The following MKLN1 variants were observed in gnomAD, a reference collection of about 807,000 sequenced individuals.
MKLN1 encodes muskelin.
Under a neutral mutation model 99.0 loss-of-function variants are expected in MKLN1, and 18 were observed. The ratio of observed to expected loss-of-function variants is 0.18; its 90% CI spans 0.13 to 0.27. MKLN1 has a LOEUF of 0.27. Among genes scored for constraint, MKLN1 ranks in the 10% least tolerant of loss-of-function variants. The probability of loss-of-function intolerance (pLI) is 1.00; values close to 1 mark genes in which losing one functional copy is unlikely to be tolerated. For missense variants in MKLN1, 621 were observed against 875.9 expected, an observed-to-expected ratio of 0.71 and a Z score of 3.67; for synonymous variants, 288 against 293.2, an observed-to-expected ratio of 0.98 and a Z score of 0.18.
intron 3 of MKLN1, among the ~76,000 whole-genome samples, chr7:131,266,000 C>G (rs1797801844): frequency 6.6e-6 from 1 of 151,902 alleles, no homozygotes; most frequent in Non-Finnish European, 1.5e-5. Context: ...ATGGCGAAAC[C>G]CTATCTCTAC....
intron 1 of MKLN1, among the ~76,000 whole-genome samples, chr7:131,345,724 T>A (rs555498082): frequency 1.3e-5 from 2 of 151,944 alleles, no homozygotes; most frequent in South Asian, 2.1e-4. Flanking sequence ...AAAAAAAAAA[T>A]TTAAAAATAA....
At chr7:131,201,211 G>C (rs903657368) in intron 2 of MKLN1, among the ~76,000 whole-genome samples, 10 of 152,262 alleles carry the variant, frequency 6.6e-5, no homozygotes, top group African/African-American at 2.2e-4. Flanking sequence ...GTAGAAACAG[G>C]GTTTCACCAT....
chr7:131,168,125 T>A (rs1796152061), intron 2 of MKLN1, among the ~76,000 whole-genome samples: 1 of 152,236 alleles, frequency 6.6e-6, no homozygotes, highest in African/African-American at 2.4e-5. Flanking sequence ...AATCATTTTT[T>A]AAAATACTCA....
rs1310239102 is a variant in MKLN1, at chr7:131,492,919, T to C, written c.*5191T>C. The C allele has an allele frequency of 2.0e-5, 3 of 152,154 alleles. No individual in the cohort carries two copies. The highest frequency in any genetic ancestry group is 2.9e-5 in the Non-Finnish European group (2 of 68,030). The allele number at this position is 152,154 out of a possible 1,614,324, so 9.4% of individuals were successfully genotyped here. A position where few individuals can be genotyped will look rare whatever the true frequency, so the allele number is the denominator to read the frequency against. On this transcript the variant is annotated 3_prime_UTR_variant, in exon 18 of 18. Transcript: ENST00000352689. The stretch of plus-strand genomic sequence containing the variant: ...GAGAGAAATGCCATCGGGGAAATTA[T>C]CACTGTCTTTTTGGCTAAAGTTTTA...
intron 2 of MKLN1, among the ~76,000 whole-genome samples, chr7:131,143,917 T>A (rs112299008): frequency 6.6e-6 from 1 of 152,228 alleles, no homozygotes; most frequent in Admixed American, 6.5e-5. Flanking sequence ...GCAGGACATG[T>A]GTAGTTCAAC....
chr7:131,397,596 G>A (rs892368769), intron 5 of MKLN1, among the ~76,000 whole-genome samples: 2 of 152,066 alleles, frequency 1.3e-5, no homozygotes, highest in Non-Finnish European at 2.9e-5. Context: ...ATCCCCATTA[G>A]TTTATAGATG....
intron 3 of MKLN1, among the ~76,000 whole-genome samples, chr7:131,227,491 CTTTCTCTT>C (rs1563259299): frequency 9.8e-5 from 12 of 122,392 alleles, no homozygotes; most frequent in African/African-American, 2.5e-4. Flanking sequence ...TTCTCTCTTT[CTTTCTCTT>C]TCTTTCTTTC....
Position 131,465,345 on chromosome 7 carries a change from C to T in MKLN1, c.1789-931C>T, listed in dbSNP as rs563927496. Among the ~76,000 whole-genome samples the T allele has an allele frequency of 3.0e-4, 45 of 152,142 alleles. 1 individual carries two copies. The South Asian group carries it at 8.7e-3, about 29-fold the overall frequency. On this transcript the variant is annotated intron_variant, in intron 14 of 17. Coordinates refer to ENST00000352689, the MANE Select transcript of MKLN1 (RefSeq NM_013255.5). ...CTTCTACCACTTACGAAAGTGATTG[C>T]GTTTCTTCACTGTTTTGTCTTCCAA...
rs1011760460 is a variant in MKLN1, at chr7:131,379,496, A to T, written c.168+4003A>T. Among the ~76,000 whole-genome samples the T allele has an allele frequency of 5.9e-5, 9 of 152,322 alleles. No homozygotes were observed. In the South Asian group the frequency reaches 1.0e-3, roughly 18 times the overall value. Reference sequence around the variant, plus strand: ...TAAAACTTCTATAAATGAAAAATATAATAATAAAAGTCAGTTTTGACAAGA... The same window carrying T: ...TAAAACTTCTATAAATGAAAAATATTATAATAAAAGTCAGTTTTGACAAGA... On this transcript the variant is annotated intron_variant, in intron 2 of 17. Transcript: ENST00000352689.
At chr7:131,256,873 G>A (rs896750317) in intron 3 of MKLN1, among the ~76,000 whole-genome samples, 6 of 152,104 alleles carry the variant, frequency 3.9e-5, no homozygotes, top group South Asian at 2.1e-4. Flanking sequence ...CTCCTTAGGC[G>A]ATGGGATCAT....
intron 1 of MKLN1, among the ~76,000 whole-genome samples, chr7:131,121,955 G>T (rs984801353): frequency 2.6e-5 from 4 of 152,198 alleles, no homozygotes; most frequent in African/African-American, 9.6e-5. Context: ...TCAGAAACCA[G>T]GAGACTACGG....
chr7:131,483,100 T>G (rs771483925), intron 17 of MKLN1, among the ~76,000 whole-genome samples: 2 of 152,236 alleles, frequency 1.3e-5, no homozygotes, highest in Non-Finnish European at 1.5e-5. Context: ...CCATTTTACT[T>G]TATTTATGAA....
intron 1 of MKLN1, among the ~76,000 whole-genome samples, chr7:131,353,940 T>C (rs1441036019): frequency 6.6e-6 from 1 of 150,608 alleles, no homozygotes; most frequent in East Asian, 1.9e-4. Context: ...TGGGCATATA[T>C]GTGTGGGTCT....
chr7:131,400,095 CA>C (rs1794489456), intron 6 of MKLN1, among the ~76,000 whole-genome samples: 1 of 151,690 alleles, frequency 6.6e-6, no homozygotes, highest in East Asian at 1.9e-4. Context: ...TTCATAGTGA[CA>C]AACAACAGAA....
At chr7:131,455,696 G>A (rs892827242) in intron 12 of MKLN1, among the ~76,000 whole-genome samples, 5 of 152,062 alleles carry the variant, frequency 3.3e-5, no homozygotes, top group Non-Finnish European at 5.9e-5. Flanking sequence ...TTTTAAAATC[G>A]TTTATGTTGC....
chr7:131,300,225 A>G (rs1038411220), intron 3 of MKLN1, among the ~76,000 whole-genome samples: 5 of 152,074 alleles, frequency 3.3e-5, no homozygotes, highest in Non-Finnish European at 7.4e-5. Context: ...AGAAAGAAAT[A>G]CAAGAAATAG....
At chr7:131,123,949 A>G (rs1249695211) in intron 1 of MKLN1, among the ~76,000 whole-genome samples, 1 of 152,246 alleles carries the variant, frequency 6.6e-6, no homozygotes, top group Admixed American at 6.5e-5. Flanking sequence ...GTATCACAGT[A>G]TCAATGTATA....
chr7:131,271,077 C>T (rs887120282), intron 3 of MKLN1, among the ~76,000 whole-genome samples: 30 of 152,066 alleles, frequency 2.0e-4, no homozygotes, highest in African/African-American at 6.8e-4. Context: ...GATTCGTGAT[C>T]GCAGGGATCA....
chr7:131,211,631 G>A (rs762989396), intron 3 of MKLN1, among the ~76,000 whole-genome samples: 4 of 150,646 alleles, frequency 2.7e-5, no homozygotes, highest in Admixed American at 1.3e-4. Context: ...TTTTGGATCT[G>A]CATTAATTTT....
Sources: allele counts gnomAD v4.1 joint callset (sites outside exome capture counted in the v4.1 genomes callset), GRCh38; gene constraint gnomAD v4.1.1; transcripts MANE v1.5; gene names NCBI Gene and HGNC (gene_info 2026-07-23, HGNC 2026-07-21).